CMIP: variants seen among roughly 807,000 people sequenced by gnomAD.
CMIP encodes c-Maf inducing protein.
Under a neutral mutation model 97.3 loss-of-function variants are expected in CMIP, and 13 were observed. That is an observed-to-expected ratio of 0.13 (90% confidence interval 0.09 to 0.21). CMIP has a LOEUF of 0.21. CMIP is among the 10% of genes least tolerant of loss of function. CMIP has a pLI of 1.00. For missense variants in CMIP, 847 were observed against 1,024.9 expected, an observed-to-expected ratio of 0.83 and a Z score of 2.37; for synonymous variants, 538 against 436.3, an observed-to-expected ratio of 1.23 and a Z score of -2.91.
intron 20 of CMIP, among the ~76,000 whole-genome samples, chr16:81,707,559 T>C (rs1908289531): frequency 2.6e-5 from 4 of 152,118 alleles, no homozygotes. Flanking sequence ...ATAAATATTT[T>C]GAGAGGGAGC....
At position 81,664,851 on chromosome 16, in the gene CMIP, TA is replaced by T. The variant is rs150434501; in HGVS notation, c.825+507del. ...CAGAATATTCCCTTCATAGGACGTA[TA>T]AAAACGACACTTGACCTCTATGGTC... On this transcript the variant is annotated intron_variant, in intron 7 of 20. Transcript: ENST00000537098. 574 of 194,710 alleles carry T rather than the reference TA, an allele frequency of 2.9e-3. 1 individual carries two copies. Among genetic ancestry groups the T allele is most frequent in the African/African-American group, 0.012 (518 of 43,350 alleles). The allele number at this position is 194,710 out of a possible 1,614,324, so 12.1% of individuals were successfully genotyped here.
At chr16:81,629,467 A>T (rs1281159389) in intron 3 of CMIP, among the ~76,000 whole-genome samples, 1 of 152,144 alleles carries the variant, frequency 6.6e-6, no homozygotes, top group Non-Finnish European at 1.5e-5. Context: ...AGCCCAGCTC[A>T]TCCCTTGGTC....
At position 81,705,540 on chromosome 16, in the gene CMIP, C is replaced by G. The variant is rs554858194; in HGVS notation, c.2133C>G (p.Thr711=). The G allele has an allele frequency of 7.8e-5, 126 of 1,609,534 alleles. No individual in the cohort carries two copies. Among genetic ancestry groups the G allele is most frequent in the Admixed American group, 1.0e-4 (6 of 59,690 alleles). The stretch of plus-strand genomic sequence containing the variant: ...TTCGGCTCCTGTCGGAACACCTCAC[C>G]ATGCTCCAGGTGCTGAACCTGTGCG... ...AGLRLLSEHL[T]MLQVLNLCET... Residue 711 remains threonine, a synonymous_variant, in exon 19 of 21, where the codon ACC becomes ACG. Coordinates refer to ENST00000537098, the MANE Select transcript of CMIP (RefSeq NM_198390.3).
intron 1 of CMIP, among the ~76,000 whole-genome samples, chr16:81,579,863 G>A (rs760345201): frequency 3.3e-5 from 5 of 152,230 alleles, no homozygotes; most frequent in Admixed American, 2.6e-4. Flanking sequence ...GGCTGAGGCC[G>A]GAGAATGGCG....
chr16:81,697,627 C>CA (rs1363654889), intron 14 of CMIP: 2 of 152,208 alleles, frequency 1.3e-5, no homozygotes, highest in Admixed American at 1.3e-4. Flanking sequence ...CGATCGCATG[C>CA]AACAGTAGAT....
At chr16:81,577,630 C>T (rs1370794284) in intron 1 of CMIP, among the ~76,000 whole-genome samples, 1 of 146,134 alleles carries the variant, frequency 6.8e-6, no homozygotes, top group African/African-American at 2.6e-5. Flanking sequence ...CTATCACCAT[C>T]ACCACCATCA....
intron 1 of CMIP, among the ~76,000 whole-genome samples, chr16:81,468,293 C>T (rs1182197484): frequency 1.3e-5 from 2 of 152,244 alleles, no homozygotes; most frequent in Non-Finnish European, 2.9e-5. Context: ...TCTCCCACTG[C>T]CCACTCAGAC....
chr16:81,500,323 C>T (rs576841454), intron 1 of CMIP, among the ~76,000 whole-genome samples: 15 of 133,348 alleles, frequency 1.1e-4, no homozygotes, highest in Non-Finnish European at 2.0e-4. Context: ...CCCTCCCTGC[C>T]TCCCTCTGTC....
chr16:81,550,136 C>A (rs868390578), intron 1 of CMIP, among the ~76,000 whole-genome samples: 8 of 152,048 alleles, frequency 5.3e-5, no homozygotes, highest in Non-Finnish European at 1.0e-4. Flanking sequence ...CCTGCCCATG[C>A]CCTCGGTAGC....
intron 1 of CMIP, among the ~76,000 whole-genome samples, chr16:81,589,309 C>T (rs115097811): frequency 6.6e-6 from 1 of 152,078 alleles, no homozygotes; most frequent in African/African-American, 2.4e-5. Flanking sequence ...GTTACCCTGG[C>T]TGGTCTCGAA....
rs2091925301 is a variant in CMIP at position 81,616,851 on chromosome 16, C to G, written c.427-4025C>G. 6.6e-6 allele frequency among the ~76,000 whole-genome samples: 1 copy of G among 152,232 alleles called. No individual in the cohort carries two copies. The highest frequency in any genetic ancestry group is 2.4e-5 in the African/African-American group (1 of 41,458). On this transcript the variant is annotated intron_variant, in intron 2 of 20. Coordinates refer to ENST00000537098, the MANE Select transcript of CMIP (RefSeq NM_198390.3). This position sits in a 1 kb window ranked among gnomAD's most constrained non-coding sequence, Gnocchi z 4.7. ...GTCCCAGGCCTTTAGACATCAAGTGCTGCTGTGAGAGGCAGGCTACGAGGA... is the reference window on the plus strand; with the variant it reads ...GTCCCAGGCCTTTAGACATCAAGTGGTGCTGTGAGAGGCAGGCTACGAGGA...
intron 1 of CMIP, among the ~76,000 whole-genome samples, chr16:81,559,916 G>A (rs541893157): frequency 1.3e-5 from 2 of 152,218 alleles, no homozygotes; most frequent in East Asian, 1.9e-4. Context: ...GGGAGGCTGA[G>A]GCAGGTAGAT....
rs73596453 is a variant in CMIP, at chr16:81,562,675, T to C, written c.301-44892T>C. ...ACATTTCTCCTGGGGACCTTCTCCA[T>C]CCCATGCTGGGTGGTTCACTCATCT... On this transcript the variant is annotated intron_variant, in intron 1 of 20. Transcript: ENST00000537098. 9.1e-3 allele frequency among the ~76,000 whole-genome samples: 1,387 copies of C among 152,296 alleles called. 22 individuals are homozygous for C. The highest frequency in any genetic ancestry group is 0.032 in the African/African-American group (1,325 of 41,564).
chr16:81,691,331 C>T (rs1038780461), intron 10 of CMIP, among the ~76,000 whole-genome samples: 83 of 152,170 alleles, frequency 5.5e-4, no homozygotes, highest in African/African-American at 1.6e-3. Context: ...TAAGGACATC[C>T]GTCTACAGCC....
At chr16:81,612,344 C>T (rs1048515981) in intron 2 of CMIP, among the ~76,000 whole-genome samples, 4 of 152,224 alleles carry the variant, frequency 2.6e-5, no homozygotes, top group Admixed American at 6.5e-5. Flanking sequence ...GGATGGGTTC[C>T]GGGACTCGGC....
At chr16:81,669,162 TC>T (rs2092649943) in intron 7 of CMIP, among the ~76,000 whole-genome samples, 1 of 75,588 alleles carries the variant, frequency 1.3e-5, no homozygotes, top group East Asian at 4.6e-4. Context: ...TCCACACCCC[TC>T]TCACCTCCTT....
rs183075361 is a variant in CMIP, at chr16:81,670,255, C to T, written c.929+10C>T. On this transcript the variant is annotated intron_variant, in intron 8 of 20. Coordinates refer to ENST00000537098, the MANE Select transcript of CMIP (RefSeq NM_198390.3). ...AGAAGTTCATTCAGAGGTGGGTCTC[C>T]GGCGCGACGTCCCTCTGTGGCCTAG... The T allele has an allele frequency of 1.4e-3, 2,266 of 1,602,334 alleles. 5 individuals carry two copies. Among genetic ancestry groups the T allele is most frequent in the Non-Finnish European group, 1.6e-3 (1,920 of 1,174,544 alleles).
Position 81,563,327 on chromosome 16 carries a change from T to A in CMIP, c.301-44240T>A, listed in dbSNP as rs74744269. Among the ~76,000 whole-genome samples, 183 of 152,342 alleles carry A rather than the reference T, an allele frequency of 1.2e-3. 4 individuals are homozygous for A. The East Asian group carries it at 0.034, about 28-fold the overall frequency. On this transcript the variant is annotated intron_variant, in intron 1 of 20. Coordinates refer to ENST00000537098, the MANE Select transcript of CMIP (RefSeq NM_198390.3). The stretch of plus-strand genomic sequence containing the variant: ...TGGAGCCAGAAGTCCTGAGTTCAAA[T>A]CCCAGCTCTGCCTCTTTCTGTTTTG...
chr16:81,574,483 G>A (rs1044576254), intron 1 of CMIP, among the ~76,000 whole-genome samples: 4 of 152,266 alleles, frequency 2.6e-5, no homozygotes, highest in Non-Finnish European at 5.9e-5. Flanking sequence ...CAGGTTCAGG[G>A]CATAATCCTT....
Sources: allele counts gnomAD v4.1 joint callset (sites outside exome capture counted in the v4.1 genomes callset), GRCh38; gene constraint gnomAD v4.1.1; non-coding constraint Gnocchi (gnomAD v3.1); transcripts MANE v1.5; gene names NCBI Gene and HGNC (gene_info 2026-07-23, HGNC 2026-07-21).